Variants in FUT8 observed in about 807,000 individuals in gnomAD.
FUT8 encodes the protein fucosyltransferase 8.
Under a neutral mutation model 71.3 loss-of-function variants are expected in FUT8, and 29 were observed. The observed-to-expected ratio is 0.41, with a 90% CI of 0.30 to 0.55. FUT8 has a LOEUF of 0.55. FUT8 is among the 20% of genes least tolerant of loss of function. The pLI is 0.34. For missense variants in FUT8, 544 were observed against 702.1 expected, an observed-to-expected ratio of 0.77 and a Z score of 2.55; for synonymous variants, 254 against 239.3, an observed-to-expected ratio of 1.06 and a Z score of -0.57.
At chr14:65,498,080 G>T (rs2066588191) in intron 2 of FUT8, among the ~76,000 whole-genome samples, 1 of 152,114 alleles carries the variant, frequency 6.6e-6, no homozygotes, top group African/African-American at 2.4e-5. Context: ...GGAATGCTCA[G>T]CCTCTGTGTT....
intron 3 of FUT8, among the ~76,000 whole-genome samples, chr14:65,600,664 G>C (rs982988812): frequency 6.6e-6 from 1 of 152,106 alleles, no homozygotes; most frequent in African/African-American, 2.4e-5. Flanking sequence ...ATGGGGACTA[G>C]ACTTGTTATT....
At chr14:65,395,649 T>C in the FUT8 span, among the ~76,000 whole-genome samples, 1 of 152,192 alleles carries the variant, frequency 6.6e-6, no homozygotes, top group Non-Finnish European at 1.5e-5. Flanking sequence ...GGTCCCTGGG[T>C]CCAGGCCATG....
intron 1 of FUT8, among the ~76,000 whole-genome samples, chr14:65,431,473 C>CT (rs1191324510): frequency 3.3e-5 from 5 of 151,270 alleles, no homozygotes; most frequent in East Asian, 3.9e-4. Flanking sequence ...CCATACCCGG[C>CT]TTTTTTTTGG....
At position 65,638,056 on chromosome 14, in the gene FUT8, C is replaced by T. The variant is rs1430400666; in HGVS notation, c.597+8450C>T. On this transcript the variant is annotated intron_variant, in intron 6 of 10. Coordinates refer to ENST00000673929, the MANE Select transcript of FUT8 (RefSeq NM_001371533.1). The surrounding 1 kb of genome is among the most constrained non-coding windows in gnomAD (Gnocchi z 4.5). ...CATTTAGGTTGATTTATTGCACCTG[C>T]GCCTAAGTTGGGTCAGTCGTTTCTG... Among the ~76,000 whole-genome samples the T allele has an allele frequency of 6.6e-6, 1 of 152,218 alleles. No individual in the cohort carries two copies. The highest frequency in any genetic ancestry group is 6.5e-5 in the Admixed American group (1 of 15,286).
chr14:65,412,163 A>G, upstream of FUT8: 1 of 456,728 alleles, frequency 2.2e-6, no homozygotes, highest in South Asian at 1.5e-5. Context: ...GAATGTGGAA[A>G]CAGCTCTTAC....
chr14:65,646,207 G>A (rs1267830007), intron 6 of FUT8: 1 of 152,154 alleles, frequency 6.6e-6, no homozygotes, highest in Admixed American at 6.5e-5. Flanking sequence ...ATCTCCTAAG[G>A]AAGCTCTTCC....
At chr14:65,399,645 G>A in the FUT8 span, among the ~76,000 whole-genome samples, 132 of 152,248 alleles carry the variant, frequency 8.7e-4, no homozygotes, top group Middle Eastern at 6.8e-3. Context: ...AGAGGGACAT[G>A]GAATATTAAA....
chr14:65,566,277 T>C (rs144838250), intron 3 of FUT8, among the ~76,000 whole-genome samples: 386 of 152,124 alleles, frequency 2.5e-3, no homozygotes, highest in Non-Finnish European at 4.3e-3. Context: ...GCATCAGAAG[T>C]AACACAGTGT....
Position 65,550,876 on chromosome 14 carries a change from G to T in FUT8, c.-227-10461G>T, listed in dbSNP as rs1327740186. The stretch of plus-strand genomic sequence containing the variant: ...TTTATTCAACTGTACTTCTGTTGAT[G>T]GGCAATTACGTTGTTTTTCCAGTTT... On this transcript the variant is annotated intron_variant, in intron 2 of 10. Transcript: ENST00000673929. The surrounding 1 kb of genome is among the most constrained non-coding windows in gnomAD (Gnocchi z 4.5). Among the ~76,000 whole-genome samples the T allele has an allele frequency of 1.3e-5, 2 of 152,092 alleles. No individual in the cohort carries two copies. The highest frequency in any genetic ancestry group is 4.8e-5 in the African/African-American group (2 of 41,390).
At chr14:65,512,915 A>AAG (rs930758795) in intron 2 of FUT8, among the ~76,000 whole-genome samples, 1 of 151,338 alleles carries the variant, frequency 6.6e-6, no homozygotes, top group African/African-American at 2.4e-5. Context: ...CTCAAAAAAA[A>AAG]AAAAAAAAAA....
chr14:65,521,472 T>C (rs1285758251), intron 2 of FUT8, among the ~76,000 whole-genome samples: 8 of 152,244 alleles, frequency 5.3e-5, no homozygotes, highest in African/African-American at 1.9e-4. Context: ...ATAAGGAATG[T>C]TGGAATTGGG....
At chr14:65,454,452 C>T (rs976354244) in intron 1 of FUT8, among the ~76,000 whole-genome samples, 15 of 152,024 alleles carry the variant, frequency 9.9e-5, no homozygotes, top group African/African-American at 3.6e-4. Context: ...CATAGCGAGA[C>T]CCAGTCTCTA....
intron 2 of FUT8, among the ~76,000 whole-genome samples, chr14:65,481,026 T>C (rs1475829955): frequency 1.3e-5 from 2 of 152,172 alleles, no homozygotes; most frequent in Non-Finnish European, 2.9e-5. Context: ...GGAGACATCA[T>C]ACTGTTTTCC....
In FUT8 at chr14:65,561,487, C is replaced by T. The variant is rs1885910908; in HGVS notation, c.-77C>T. On this transcript the variant is annotated 5_prime_UTR_variant, in exon 3 of 11. Coordinates refer to ENST00000673929, the MANE Select transcript of FUT8 (RefSeq NM_001371533.1). The stretch of plus-strand genomic sequence containing the variant: ...CAACAGAAGTCTATTCACCTGTGCA[C>T]TAACTAGAAACAGAGTTACAATGTT... 7.2e-7 allele frequency: 1 copy of T among 1,379,464 alleles called. No individual in the cohort carries two copies. Among genetic ancestry groups the T allele is most frequent in the Non-Finnish European group, 1.0e-6 (1 of 977,464 alleles). 85.5% of individuals were successfully genotyped at this position (1,379,464 alleles called of 1,614,324 possible).
intron 7 of FUT8, among the ~76,000 whole-genome samples, chr14:65,671,814 A>G (rs1174893636): frequency 2.0e-5 from 3 of 152,214 alleles, no homozygotes; most frequent in East Asian, 1.9e-4. Flanking sequence ...TAGAGAAACT[A>G]TTGAACATAT....
intron 3 of FUT8, among the ~76,000 whole-genome samples, chr14:65,587,865 T>G (rs76775477): frequency 0.01 from 1,546 of 152,330 alleles, 21 homozygotes; most frequent in African/African-American, 0.035. Context: ...ACAGCTTTAT[T>G]GCTTTCAGGT....
the FUT8 span, among the ~76,000 whole-genome samples, chr14:65,378,454 C>T: frequency 6.6e-6 from 1 of 152,066 alleles, no homozygotes; most frequent in East Asian, 1.9e-4. Context: ...TGTTTTGTAT[C>T]TACCTGCCCA....
At chr14:65,711,527 ATTC>A (rs1201672702) in intron 7 of FUT8, among the ~76,000 whole-genome samples, 8 of 151,580 alleles carry the variant, frequency 5.3e-5, no homozygotes, top group African/African-American at 1.7e-4. Context: ...TTGCTCTTTC[ATTC>A]TTCTTTTTCT....
intron 3 of FUT8, among the ~76,000 whole-genome samples, chr14:65,599,894 AC>A (rs988793973): frequency 6.6e-6 from 1 of 152,204 alleles, no homozygotes; most frequent in Non-Finnish European, 1.5e-5. Flanking sequence ...ATATGCTCTA[AC>A]AAAAATTCAG....
Sources: allele counts gnomAD v4.1 joint callset (sites outside exome capture counted in the v4.1 genomes callset), GRCh38; gene constraint gnomAD v4.1.1; non-coding constraint Gnocchi (gnomAD v3.1); transcripts MANE v1.5; gene names NCBI Gene and HGNC (gene_info 2026-07-23, HGNC 2026-07-21).